Variants in CREB3L2 observed in about 807,000 individuals in gnomAD.
The protein encoded by CREB3L2 is cAMP responsive element binding protein 3 like 2.
In CREB3L2, 23 loss-of-function variants were observed where a neutral mutation model predicts 57.2. That is an observed-to-expected ratio of 0.40 (90% CI 0.29 to 0.57). The LOEUF is 0.57. Ranked by LOEUF, CREB3L2 falls within the 20% of genes least tolerant of loss-of-function variation. The probability of loss-of-function intolerance (pLI) is 0.42; values close to 1 mark genes in which losing one functional copy is unlikely to be tolerated. For missense variants in CREB3L2, 628 were observed against 634.7 expected (o/e 0.99, Z 0.11); for synonymous variants, 268 against 265.1 (o/e 1.01, Z -0.11).
rs538847953 is a variant in CREB3L2 at position 137,896,950 on chromosome 7, C to T, written c.1043+4404G>A. On this transcript the variant is annotated intron_variant, in intron 8 of 11. Coordinates refer to ENST00000330387, the MANE Select transcript of CREB3L2 (RefSeq NM_194071.4). ...AAACAAGAGAATAGAAAGGTGGTCA[C>T]TGGGCACTGGAAGTGGGAGAACTGG... Among the ~76,000 whole-genome samples, 7 of 152,304 alleles carry T rather than the reference C, an allele frequency of 4.6e-5. No homozygotes were observed. The East Asian group carries it at 1.3e-3, about 29-fold the overall frequency.
chr7:137,961,435 C>T (rs566995333), intron 1 of CREB3L2, among the ~76,000 whole-genome samples: 3 of 152,266 alleles, frequency 2.0e-5, no homozygotes, highest in African/African-American at 4.8e-5. Context: ...TCAGTTGTTG[C>T]TCCCCACACC....
In CREB3L2 at chr7:137,875,748, A is replaced by T. The variant is rs1459601097; in HGVS notation, c.*4728T>A. 4.5e-6 allele frequency: 1 copy of T among 223,990 alleles called. No individual in the cohort carries two copies. Among genetic ancestry groups the T allele is most frequent in the Non-Finnish European group, 8.9e-6 (1 of 112,242 alleles). 13.9% of individuals were successfully genotyped at this position (223,990 alleles called of 1,614,324 possible). A position where few individuals can be genotyped will look rare whatever the true frequency, so the allele number is the denominator to read the frequency against. ...GTTCTTTATTCATCCTGTGGTAAAGAGTCACCCTTGTTTTCCGTATCTATA... is the reference window on the plus strand; with the variant it reads ...GTTCTTTATTCATCCTGTGGTAAAGTGTCACCCTTGTTTTCCGTATCTATA... On this transcript the variant is annotated 3_prime_UTR_variant, in exon 12 of 12. Coordinates refer to ENST00000330387, the MANE Select transcript of CREB3L2 (RefSeq NM_194071.4).
intron 6 of CREB3L2, among the ~76,000 whole-genome samples, chr7:137,904,593 G>T (rs1386336624): frequency 6.6e-6 from 1 of 152,186 alleles, no homozygotes; most frequent in Non-Finnish European, 1.5e-5. Flanking sequence ...GAGTCCGGGA[G>T]GCAGAGGTTG....
chr7:137,909,687 T>C (rs1799964852), intron 4 of CREB3L2, among the ~76,000 whole-genome samples: 1 of 152,212 alleles, frequency 6.6e-6, no homozygotes, highest in African/African-American at 2.4e-5. Flanking sequence ...CCACCCAGCA[T>C]ACTATGGATG....
intron 8 of CREB3L2, among the ~76,000 whole-genome samples, chr7:137,891,371 G>A (rs750554620): frequency 5.9e-5 from 9 of 152,144 alleles, no homozygotes; most frequent in Non-Finnish European, 1.2e-4. Context: ...TTTGTCTTTG[G>A]TTTAATTTTG....
intron 10 of CREB3L2, chr7:137,884,713 A>G: frequency 1.7e-6 from 1 of 597,900 alleles, no homozygotes; most frequent in South Asian, 2.1e-5. Context: ...CTCCCTTATC[A>G]GAACTCAAAA....
intron 4 of CREB3L2, among the ~76,000 whole-genome samples, chr7:137,909,192 A>T (rs1340354398): frequency 6.6e-6 from 1 of 152,242 alleles, no homozygotes; most frequent in African/African-American, 2.4e-5. Context: ...GGCATTCTTC[A>T]TTCAGAAAAC....
intron 1 of CREB3L2, among the ~76,000 whole-genome samples, chr7:137,983,142 T>C (rs1801738401): frequency 6.6e-6 from 1 of 152,176 alleles, no homozygotes; most frequent in Admixed American, 6.5e-5. Flanking sequence ...GTCTACCTGT[T>C]CCCATGTGTG....
intron 6 of CREB3L2, among the ~76,000 whole-genome samples, chr7:137,904,849 A>AAAAG (rs1554495638): frequency 3.9e-4 from 58 of 147,688 alleles, no homozygotes; most frequent in African/African-American, 1.3e-3. Context: ...AAAAAAAAAA[A>AAAAG]AAAGAAAGAA....
intron 1 of CREB3L2, among the ~76,000 whole-genome samples, chr7:137,961,378 C>T (rs1801320613): frequency 6.6e-6 from 1 of 152,162 alleles, no homozygotes; most frequent in African/African-American, 2.4e-5. Context: ...GGGGCCCTCC[C>T]CCTGCACAGT....
chr7:137,998,471 A>T (rs536641969), intron 1 of CREB3L2, among the ~76,000 whole-genome samples: 2 of 152,302 alleles, frequency 1.3e-5, no homozygotes, highest in South Asian at 4.1e-4. Flanking sequence ...ACTCTCTCCC[A>T]ACCTCTTATT....
rs1021276281 is a variant in CREB3L2, at chr7:137,879,270, G to A, written c.*1206C>T. ...CCTGACTACCAAAGGTAAGAATGTG[G>A]ATACACAAATGTCACCTACCCCACC... On this transcript the variant is annotated 3_prime_UTR_variant, in exon 12 of 12. Coordinates refer to ENST00000330387, the MANE Select transcript of CREB3L2 (RefSeq NM_194071.4). 10 of 535,168 alleles carry A rather than the reference G, an allele frequency of 1.9e-5. No homozygotes were observed. Among genetic ancestry groups the A allele is most frequent in the Admixed American group, 1.3e-4 (6 of 44,920 alleles). The allele number at this position is 535,168 out of a possible 1,614,324, so 33.2% of individuals were successfully genotyped here. A position where few individuals can be genotyped will look rare whatever the true frequency, so the allele number is the denominator to read the frequency against.
chr7:137,879,705 G>T lies in CREB3L2; in HGVS notation c.*771C>A. On this transcript the variant is annotated 3_prime_UTR_variant, in exon 12 of 12. Transcript: ENST00000330387. ...TTGAAAGGAGGCATCGATCTCTTCA[G>T]TGTGGTTGCTAGCAGGAAGCCTCGG... 1 of 237,496 alleles carries T rather than the reference G, an allele frequency of 4.2e-6. No homozygotes were observed. Among genetic ancestry groups the T allele is most frequent in the Non-Finnish European group, 8.3e-6 (1 of 120,726 alleles). The allele number at this position is 237,496 out of a possible 1,614,324, so 14.7% of individuals were successfully genotyped here.
intron 3 of CREB3L2, 122 bp from the exon 4 acceptor site, chr7:137,913,200 G>A (rs1449358277): frequency 2.1e-6 from 2 of 971,558 alleles, no homozygotes; most frequent in Non-Finnish European, 3.0e-6. Context: ...CTGGAGAATA[G>A]CTGAGTGTAG....
chr7:137,886,717 C>T (rs1479907469), intron 8 of CREB3L2, among the ~76,000 whole-genome samples: 1 of 135,220 alleles, frequency 7.4e-6, no homozygotes, highest in African/African-American at 3.8e-5. Context: ...GACAAGAGAG[C>T]AAGAGCAGAA....
At chr7:137,934,974 C>T (rs1800749988) in intron 1 of CREB3L2, among the ~76,000 whole-genome samples, 1 of 152,228 alleles carries the variant, frequency 6.6e-6, no homozygotes, top group Non-Finnish European at 1.5e-5. Context: ...CTGCAACTAT[C>T]CCATAAAGTT....
chr7:137,914,660 A>G (rs1800087991), intron 3 of CREB3L2, among the ~76,000 whole-genome samples: 1 of 152,118 alleles, frequency 6.6e-6, no homozygotes. Flanking sequence ...TAAAGTAACT[A>G]AAATTCTGTG....
At chr7:137,979,397 G>A (rs1473089034) in intron 1 of CREB3L2, among the ~76,000 whole-genome samples, 5 of 152,188 alleles carry the variant, frequency 3.3e-5, no homozygotes, top group African/African-American at 1.2e-4. Flanking sequence ...AAAAAGCACA[G>A]GCTGCAACTG....
Position 137,885,035 on chromosome 7 carries a change from G to C in CREB3L2, c.1230C>G (p.Pro410=). ...PYPSATKMAL[P]SQHSLQEPYT... is the part of the protein sequence containing the mutation. ...AGGGCTCCTGCAGGGAATGCTGGCT[G>C]GGCAGAGCCATCTTGGTGGCAGAAG... The change falls in exon 10 of 12, where the codon CCC becomes CCG. Residue 410 remains proline (P), a synonymous_variant. Coordinates refer to ENST00000330387, the MANE Select transcript of CREB3L2 (RefSeq NM_194071.4). 1.9e-6 allele frequency: 3 copies of C among 1,614,130 alleles called. No homozygotes were observed. The highest frequency in any genetic ancestry group is 2.5e-6 in the Non-Finnish European group (3 of 1,180,006).
Sources: gnomAD v4.1 joint callset for allele counts (sites outside exome capture counted in the v4.1 genomes callset) on GRCh38, gnomAD v4.1.1 for gene constraint, MANE v1.5 for transcripts, NCBI Gene and HGNC (gene_info 2026-07-23, HGNC 2026-07-21) for gene names.